Variants in MALL observed in about 807,000 individuals in gnomAD.
MALL encodes mal, T cell differentiation protein like, also known as MAL-like protein.
MALL carries 2 observed loss-of-function variants against 10.3 expected under a neutral mutation model. The observed-to-expected ratio is 0.19, with a 90% CI of 0.08 to 0.61. MALL has a LOEUF of 0.61. Among genes scored for constraint, MALL ranks in the 20% least tolerant of loss-of-function variants. The probability of loss-of-function intolerance (pLI) is 0.88; values close to 1 mark genes in which losing one functional copy is unlikely to be tolerated. For missense variants in MALL, 39 were observed against 115.2 expected (o/e 0.34, Z 3.03); for synonymous variants, 27 against 51.8 (o/e 0.52, Z 2.05).
At chr2:110,100,230 G>C (rs1283955985) in intron 1 of MALL, among the ~76,000 whole-genome samples, 1 of 152,138 alleles carries the variant, frequency 6.6e-6, no homozygotes, top group African/African-American at 2.4e-5. Context: ...TGTAATCCCA[G>C]CACTTTGGGA....
intron 1 of MALL, among the ~76,000 whole-genome samples, chr2:110,102,309 C>T (rs1252802292): frequency 1.3e-5 from 2 of 152,150 alleles, no homozygotes; most frequent in African/African-American, 4.8e-5. Context: ...TCCAGGAAGC[C>T]ACCCTTGACT....
intron 1 of MALL, among the ~76,000 whole-genome samples, chr2:110,095,799 T>C (rs1678429186): frequency 6.6e-6 from 1 of 152,102 alleles, no homozygotes; most frequent in African/African-American, 2.4e-5. Flanking sequence ...AGGTTGAGCC[T>C]GGATGTTACC....
At chr2:110,097,170 C>T (rs920056871) in intron 1 of MALL, among the ~76,000 whole-genome samples, 38 of 151,116 alleles carry the variant, frequency 2.5e-4, no homozygotes, top group African/African-American at 9.2e-4. Context: ...AGGCACAGAC[C>T]AGTGTACCCA....
chr2:110,112,575 A>C (rs948870925), intron 1 of MALL, among the ~76,000 whole-genome samples: 1 of 151,034 alleles, frequency 6.6e-6, no homozygotes, highest in Non-Finnish European at 1.5e-5. Context: ...CAAAAAATCA[A>C]AAAAAAAATA....
chr2:110,099,214 A>C (rs1336469040), intron 1 of MALL, among the ~76,000 whole-genome samples: 2 of 152,200 alleles, frequency 1.3e-5, no homozygotes, highest in South Asian at 2.1e-4. Context: ...CGAAAAGGAC[A>C]CCTTACAGCA....
rs148150070 is a variant in MALL, at chr2:110,111,818, C to T, written c.105+3870G>A. On this transcript the variant is annotated intron_variant, in intron 1 of 3. Transcript: ENST00000272462. The stretch of plus-strand genomic sequence containing the variant: ...GAACAAATCTGGAGGCATCACACTA[C>T]CTGATTTCAAACTATACTATAAGGC... 1.8e-3 allele frequency among the ~76,000 whole-genome samples: 272 copies of T among 152,262 alleles called. 2 individuals carry two copies. Among genetic ancestry groups the T allele is most frequent in the African/African-American group, 6.4e-3 (265 of 41,564 alleles).
intron 1 of MALL, among the ~76,000 whole-genome samples, chr2:110,104,341 C>T (rs13420625): frequency 0.088 from 13,454 of 152,152 alleles, 1,225 homozygotes; most frequent in African/African-American, 0.23. Context: ...AAGCACCTAT[C>T]ATGGTTTCTG....
At chr2:110,105,255 C>T (rs1678663092) in intron 1 of MALL, among the ~76,000 whole-genome samples, 1 of 152,222 alleles carries the variant, frequency 6.6e-6, no homozygotes, top group East Asian at 1.9e-4. Flanking sequence ...CTGGGCCTGG[C>T]CAAGGGGCCA....
chr2:110,095,121 G>A (rs10207734), intron 1 of MALL, among the ~76,000 whole-genome samples: 6 of 151,158 alleles, frequency 4.0e-5, no homozygotes, highest in South Asian at 2.1e-4. Context: ...AGTAGAGTTC[G>A]TGATCTCATT....
chr2:110,113,184 T>C (rs1181443415), intron 1 of MALL, among the ~76,000 whole-genome samples: 1 of 151,442 alleles, frequency 6.6e-6, no homozygotes, highest in Non-Finnish European at 1.5e-5. Flanking sequence ...ACGCCTGTAA[T>C]CTCAGCACTT....
At chr2:110,102,482 T>G (rs915368733) in intron 1 of MALL, among the ~76,000 whole-genome samples, 1 of 152,102 alleles carries the variant, frequency 6.6e-6, no homozygotes, top group African/African-American at 2.4e-5. Flanking sequence ...ATAAAGCAAG[T>G]GCTTGGTACA....
intron 1 of MALL, among the ~76,000 whole-genome samples, chr2:110,103,128 G>A (rs1279224034): frequency 6.6e-6 from 1 of 152,186 alleles, no homozygotes; most frequent in Non-Finnish European, 1.5e-5. Context: ...ATCCCACTGA[G>A]ACTGTACTCT....
chr2:110,100,524 G>A (rs577027859), intron 1 of MALL, among the ~76,000 whole-genome samples: 2 of 151,878 alleles, frequency 1.3e-5, no homozygotes, highest in Non-Finnish European at 2.9e-5. Flanking sequence ...GTTTAGGAGC[G>A]TTTTGTGTAC....
At chr2:110,112,244 A>C (rs1678819113) in intron 1 of MALL, among the ~76,000 whole-genome samples, 1 of 152,216 alleles carries the variant, frequency 6.6e-6, no homozygotes, top group African/African-American at 2.4e-5. Context: ...GGACCTAATT[A>C]AACTACAGAG....
chr2:110,096,770 A>G (rs1199103434), intron 1 of MALL, among the ~76,000 whole-genome samples: 1 of 151,796 alleles, frequency 6.6e-6, no homozygotes, highest in African/African-American at 2.4e-5. Flanking sequence ...CTGGGGACTC[A>G]CAGACCCCCA....
intron 1 of MALL, among the ~76,000 whole-genome samples, chr2:110,115,053 T>C (rs943973326): frequency 2.6e-5 from 4 of 152,042 alleles, no homozygotes; most frequent in African/African-American, 9.7e-5. Flanking sequence ...CGACAGGTTC[T>C]CATTTGCAAC....
intron 1 of MALL, among the ~76,000 whole-genome samples, chr2:110,106,796 A>G (rs1303599041): frequency 6.6e-6 from 1 of 152,176 alleles, no homozygotes; most frequent in South Asian, 2.1e-4. Flanking sequence ...GGAACGGCCA[A>G]GAACTGGAAA....
chr2:110,105,308 G>C (rs1678664208), intron 1 of MALL, among the ~76,000 whole-genome samples: 1 of 152,198 alleles, frequency 6.6e-6, no homozygotes, highest in Admixed American at 6.5e-5. Flanking sequence ...TCCAACTCCT[G>C]TCCCATGGCC....
chr2:110,090,592 GAA>G (rs11323235), intron 2 of MALL, among the ~76,000 whole-genome samples: 1 of 30,944 alleles, frequency 3.2e-5, no homozygotes, highest in South Asian at 2.8e-3. Flanking sequence ...AATAAGGAAA[GAA>G]AAAAAATATG....
Sources: allele counts gnomAD v4.1 joint callset (sites outside exome capture counted in the v4.1 genomes callset), GRCh38; gene constraint gnomAD v4.1.1; transcripts MANE v1.5; gene names NCBI Gene and HGNC (gene_info 2026-07-23, HGNC 2026-07-21).